Variants in SIPA1L2 observed in about 807,000 individuals in gnomAD.
SIPA1L2 encodes signal-induced proliferation-associated 1-like protein 2.
In SIPA1L2, 56 loss-of-function variants were observed where a neutral mutation model predicts 163.9. That is an observed-to-expected ratio of 0.34 (90% CI 0.28 to 0.43). The LOEUF is 0.43. Among genes scored for constraint, SIPA1L2 ranks in the 20% least tolerant of loss-of-function variants. The pLI is 1.00. For missense variants in SIPA1L2, 1,974 were observed against 2,193.5 expected (o/e 0.90, Z 2.00); for synonymous variants, 877 against 865.7 (o/e 1.01, Z -0.23).
chr1:232,472,212 C>G (rs905607280), intron 7 of SIPA1L2, among the ~76,000 whole-genome samples: 2 of 152,210 alleles, frequency 1.3e-5, no homozygotes, highest in Admixed American at 6.5e-5. Flanking sequence ...AGAATGCCCC[C>G]TTCCCTCCAG....
intron 1 of SIPA1L2, among the ~76,000 whole-genome samples, chr1:232,624,463 A>G (rs1255857584): frequency 6.6e-6 from 1 of 152,256 alleles, no homozygotes; most frequent in Non-Finnish European, 1.5e-5. Flanking sequence ...TTCACAGGAC[A>G]CTATGTCTTA....
intron 5 of SIPA1L2, among the ~76,000 whole-genome samples, chr1:232,487,414 C>A (rs1194924069): frequency 6.6e-6 from 1 of 152,094 alleles, no homozygotes; most frequent in African/African-American, 2.4e-5. Context: ...TCGGTTGAAA[C>A]AAATCTGATA....
intron 1 of SIPA1L2, among the ~76,000 whole-genome samples, chr1:232,619,462 T>C (rs1412552955): frequency 6.6e-6 from 1 of 152,252 alleles, no homozygotes; most frequent in African/African-American, 2.4e-5. Flanking sequence ...CCTAATAAGG[T>C]AGCCCATGCT....
intron 19 of SIPA1L2, among the ~76,000 whole-genome samples, chr1:232,405,434 T>C (rs1660580094): frequency 6.6e-6 from 1 of 152,254 alleles, no homozygotes; most frequent in African/African-American, 2.4e-5. Context: ...TTGCATAAAG[T>C]AATTTGCTAT....
intron 5 of SIPA1L2, 142 bp downstream of exon 5, chr1:232,490,732 A>G (rs2102993718): frequency 4.6e-6 from 4 of 860,696 alleles, no homozygotes; most frequent in African/African-American, 1.7e-5. Flanking sequence ...GTATAAAAAC[A>G]TATTTGGGAA....
chr1:232,532,727 A>G (rs1020916593), intron 2 of SIPA1L2, among the ~76,000 whole-genome samples: 1 of 152,202 alleles, frequency 6.6e-6, no homozygotes, highest in African/African-American at 2.4e-5. Flanking sequence ...AAAAACAAAG[A>G]TCCTGAGGCT....
chr1:232,588,782 C>G (rs1425066375), intron 1 of SIPA1L2, among the ~76,000 whole-genome samples: 1 of 152,092 alleles, frequency 6.6e-6, no homozygotes, highest in Non-Finnish European at 1.5e-5. Context: ...TTCTAATAAG[C>G]CAGATATTAA....
At chr1:232,572,998 C>T (rs1008961174) in intron 2 of SIPA1L2, among the ~76,000 whole-genome samples, 3 of 151,742 alleles carry the variant, frequency 2.0e-5, no homozygotes, top group South Asian at 2.1e-4. Context: ...TCAGGGTGGT[C>T]TCGAACTCCC....
chr1:232,467,958 G>A (rs1315062631), intron 8 of SIPA1L2, among the ~76,000 whole-genome samples: 1 of 152,192 alleles, frequency 6.6e-6, no homozygotes, highest in Non-Finnish European at 1.5e-5. Flanking sequence ...ATATCTAATT[G>A]CAGATTCTCT....
At chr1:232,415,171 G>A (rs541083425) in intron 19 of SIPA1L2, among the ~76,000 whole-genome samples, 19 of 152,334 alleles carry the variant, frequency 1.2e-4, no homozygotes, top group African/African-American at 3.6e-4. Context: ...GAGGAAAGAC[G>A]CAAGGTGCTC....
chr1:232,443,545 T>C (rs1007807709), intron 12 of SIPA1L2, 57 bp downstream of exon 12: 1 of 1,381,074 alleles, frequency 7.2e-7, no homozygotes, highest in Admixed American at 2.2e-5. Context: ...TGCTTTTCAA[T>C]GAGTCACAGA....
Position 232,465,540 on chromosome 1 carries a change from A to G in SIPA1L2, c.2244-124T>C, listed in dbSNP as rs1418269456. The G allele has an allele frequency of 2.7e-6, 2 of 751,864 alleles. No individual in the cohort carries two copies. The highest frequency in any genetic ancestry group is 5.8e-5 in the East Asian group (2 of 34,762). The allele number at this position is 751,864 out of a possible 1,614,324, so 46.6% of individuals were successfully genotyped here. A position where few individuals can be genotyped will look rare whatever the true frequency, so the allele number is the denominator to read the frequency against. On this transcript the variant is annotated intron_variant, in intron 8 of 22. Transcript: ENST00000674635. The surrounding 1 kb of genome is among the most constrained non-coding windows in gnomAD (Gnocchi z 4.1). ...CATACACACACACACACACATATACATACACACATACACACACACTTTCAA... is the reference window on the plus strand; with the variant it reads ...CATACACACACACACACACATATACGTACACACATACACACACACTTTCAA...
chr1:232,477,081 T>C (rs774895083), intron 7 of SIPA1L2, among the ~76,000 whole-genome samples: 1 of 152,214 alleles, frequency 6.6e-6, no homozygotes, highest in Non-Finnish European at 1.5e-5. Context: ...GGAAAACACA[T>C]GTCCCCAGAT....
chr1:232,591,421 C>T (rs188003300), intron 1 of SIPA1L2, among the ~76,000 whole-genome samples: 1 of 152,372 alleles, frequency 6.6e-6, no homozygotes, highest in Non-Finnish European at 1.5e-5. Context: ...CTACACCAAA[C>T]CCAGCTCCTC....
At chr1:232,606,307 G>C (rs572406201) in intron 1 of SIPA1L2, among the ~76,000 whole-genome samples, 1 of 151,958 alleles carries the variant, frequency 6.6e-6, no homozygotes, top group Non-Finnish European at 1.5e-5. Flanking sequence ...TTTTTTTTGA[G>C]ACCTCATAAC....
At chr1:232,619,130 CT>C (rs1662662159) in intron 1 of SIPA1L2, among the ~76,000 whole-genome samples, 1 of 152,212 alleles carries the variant, frequency 6.6e-6, no homozygotes, top group South Asian at 2.1e-4. Flanking sequence ...AAAGGAACAA[CT>C]GAGAGTGTTC....
chr1:232,591,260 G>T (rs1315471815), intron 1 of SIPA1L2, among the ~76,000 whole-genome samples: 3 of 152,238 alleles, frequency 2.0e-5, no homozygotes, highest in African/African-American at 7.2e-5. Context: ...CTATTTCCTT[G>T]ACCAAATTGG....
rs1665904242 is a variant in SIPA1L2 at position 232,491,053 on chromosome 1, G to A, written c.1627C>T (p.Leu543=). 1 of 1,613,108 alleles carries A rather than the reference G, an allele frequency of 6.2e-7. No individual in the cohort carries two copies. Among genetic ancestry groups the A allele is most frequent in the Non-Finnish European group, 8.5e-7 (1 of 1,179,610 alleles). The change falls in exon 5 of 23, where the codon CTG becomes TTG. Residue 543 remains leucine (L), a synonymous_variant. Transcript: ENST00000674635. The part of the protein sequence containing the change: ...VAFRTSELTT[L]RGAILEDAIP... ...GCATCTTCTAAAATTGCTCCTCTCAGTGTTGTAAGCTGCAGTGACAAAACA... is the reference window on the plus strand; with the variant it reads ...GCATCTTCTAAAATTGCTCCTCTCAATGTTGTAAGCTGCAGTGACAAAACA...
Position 232,494,506 on chromosome 1 carries a change from T to C in SIPA1L2, c.1484-846A>G, listed in dbSNP as rs369154652. Reference sequence around the variant, plus strand: ...AACATGGGGAGAACATTCCAGAAAATAGCCGCTACTTATGAAGCAAATACT... The same window carrying C: ...AACATGGGGAGAACATTCCAGAAAACAGCCGCTACTTATGAAGCAAATACT... On this transcript the variant is annotated intron_variant, in intron 3 of 22. Transcript: ENST00000674635. 1.8e-4 allele frequency among the ~76,000 whole-genome samples: 28 copies of C among 152,272 alleles called. No homozygotes were observed. In the East Asian group the frequency reaches 4.6e-3, roughly 25 times the overall value.
Sources: gnomAD v4.1 joint callset for allele counts (sites outside exome capture counted in the v4.1 genomes callset) on GRCh38, gnomAD v4.1.1 for gene constraint, Gnocchi (gnomAD v3.1) non-coding constraint, MANE v1.5 for transcripts, NCBI Gene and HGNC (gene_info 2026-07-23, HGNC 2026-07-21) for gene names.